Variants in CLSTN2 observed in about 807,000 individuals in gnomAD.
CLSTN2 encodes calsyntenin-2.
A neutral mutation model predicts 101.2 loss-of-function variants in CLSTN2; 48 were observed. The ratio of observed to expected loss-of-function variants is 0.47; its 90% CI spans 0.38 to 0.60. The LOEUF is 0.60. Ranked by LOEUF, CLSTN2 falls within the 20% of genes least tolerant of loss-of-function variation. CLSTN2 has a pLI of 0.00. For synonymous variants in CLSTN2, 481 were observed against 463.6 expected (o/e 1.04, Z -0.48); for missense variants, 1,160 against 1,238.2 (o/e 0.94, Z 0.95).
At chr3:140,261,418 A>G (rs1331998512) in intron 2 of CLSTN2, among the ~76,000 whole-genome samples, 1 of 151,950 alleles carries the variant, frequency 6.6e-6, no homozygotes, top group East Asian at 1.9e-4. Context: ...TATCCCCATC[A>G]CTGTCTTTTG....
chr3:140,016,790 T>G lies in CLSTN2; in HGVS notation c.109+81307T>G, dbSNP rs1290243034. 5.2e-4 allele frequency among the ~76,000 whole-genome samples: 36 copies of G among 69,170 alleles called. No homozygotes were observed. In the Admixed American group the frequency reaches 6.9e-3, roughly 13 times the overall value. 45.4% of individuals were successfully genotyped at this position (69,170 alleles called of 152,430 possible). A position where few individuals can be genotyped will look rare whatever the true frequency, so the allele number is the denominator to read the frequency against. On this transcript the variant is annotated intron_variant, in intron 1 of 16. Coordinates refer to ENST00000458420, the MANE Select transcript of CLSTN2 (RefSeq NM_022131.3). The stretch of plus-strand genomic sequence containing the variant: ...CTCCAGCCTGGTGACAGAGTGAGAC[T>G]CTGAAAAAAAAAAAAAAAAAAAAAG...
intron 2 of CLSTN2, among the ~76,000 whole-genome samples, chr3:140,269,010 G>T (rs145943862): frequency 1.7e-3 from 266 of 152,254 alleles, no homozygotes; most frequent in African/African-American, 6.3e-3. Flanking sequence ...GATCAGGGAC[G>T]TCTTGAATAA....
intron 4 of CLSTN2, among the ~76,000 whole-genome samples, chr3:140,413,526 G>C (rs1177673216): frequency 6.6e-6 from 1 of 151,992 alleles, no homozygotes; most frequent in African/African-American, 2.4e-5. Context: ...TGAAGAGGAG[G>C]GAACACTTTC....
At position 140,090,208 on chromosome 3, in the gene CLSTN2, G is replaced by A. The variant is rs138416559; in HGVS notation, c.110-85743G>A. ...AGGGGGGTTATCTTGGGGGAAGCAT[G>A]TCTCTGCTTGGGGAGGAATTTGGAA... On this transcript the variant is annotated intron_variant, in intron 1 of 16. Coordinates refer to ENST00000458420, the MANE Select transcript of CLSTN2 (RefSeq NM_022131.3). Among the ~76,000 whole-genome samples, 47 of 151,520 alleles carry A rather than the reference G, an allele frequency of 3.1e-4. No individual in the cohort carries two copies. In the East Asian group the frequency reaches 9.0e-3, roughly 29 times the overall value.
intron 1 of CLSTN2, among the ~76,000 whole-genome samples, chr3:140,007,927 A>G (rs2006990367): frequency 6.6e-6 from 1 of 152,148 alleles, no homozygotes; most frequent in African/African-American, 2.4e-5. Flanking sequence ...TGAACTATCC[A>G]TGATTTTCAC....
intron 1 of CLSTN2, among the ~76,000 whole-genome samples, chr3:140,171,902 TATA>T (rs2010243416): frequency 7.6e-6 from 1 of 130,852 alleles, no homozygotes; most frequent in East Asian, 2.1e-4. Context: ...ATATATATTA[TATA>T]TTATGTGTGT....
intron 1 of CLSTN2, among the ~76,000 whole-genome samples, chr3:140,035,596 G>GGA (rs79758291): frequency 0.07 from 10,716 of 152,190 alleles, 432 homozygotes; most frequent in East Asian, 0.16. Context: ...ATTCCATGTA[G>GGA]GATAATAATA....
chr3:140,351,880 G>A, intron 2 of CLSTN2, among the ~76,000 whole-genome samples: 1 of 151,910 alleles, frequency 6.6e-6, no homozygotes, highest in Non-Finnish European at 1.5e-5. Context: ...TATTTGAGGA[G>A]ATATAAACAA....
chr3:140,196,577 T>C (rs1235871537), intron 2 of CLSTN2, among the ~76,000 whole-genome samples: 1 of 152,218 alleles, frequency 6.6e-6, no homozygotes, highest in Non-Finnish European at 1.5e-5. Flanking sequence ...AGGGTGGATA[T>C]GAGATAATCA....
At chr3:140,190,833 C>T (rs979070570) in intron 2 of CLSTN2, among the ~76,000 whole-genome samples, 13 of 151,996 alleles carry the variant, frequency 8.6e-5, no homozygotes, top group Non-Finnish European at 1.6e-4. Flanking sequence ...TTTCTTGGGA[C>T]TTTCCATATG....
At chr3:140,276,658 A>G (rs954495759) in intron 2 of CLSTN2, among the ~76,000 whole-genome samples, 4 of 152,172 alleles carry the variant, frequency 2.6e-5, no homozygotes, top group Non-Finnish European at 5.9e-5. Flanking sequence ...CCTGTGAGGT[A>G]TAATTAGGGT....
At chr3:140,395,473 C>T (rs2088171113) in intron 2 of CLSTN2, among the ~76,000 whole-genome samples, 1 of 152,284 alleles carries the variant, frequency 6.6e-6, no homozygotes, top group African/African-American at 2.4e-5. Context: ...AACTTGAGAA[C>T]CACCCAAGGT....
chr3:140,482,204 A>G (rs1190845537), intron 8 of CLSTN2, among the ~76,000 whole-genome samples: 1 of 152,210 alleles, frequency 6.6e-6, no homozygotes, highest in East Asian at 1.9e-4. Context: ...CTATTGAGAT[A>G]ATCATGTGGT....
At chr3:140,438,993 C>G (rs921608517) in intron 5 of CLSTN2, among the ~76,000 whole-genome samples, 2 of 152,132 alleles carry the variant, frequency 1.3e-5, no homozygotes, top group African/African-American at 4.8e-5. Flanking sequence ...GACCCACGGC[C>G]CCCCAGACAG....
chr3:140,075,477 C>A (rs2008470839), intron 1 of CLSTN2, among the ~76,000 whole-genome samples: 1 of 152,084 alleles, frequency 6.6e-6, no homozygotes. Context: ...TCTGTTTTAT[C>A]TTTTGATTAT....
intron 2 of CLSTN2, among the ~76,000 whole-genome samples, chr3:140,396,754 A>G (rs2088186774): frequency 6.6e-6 from 1 of 152,178 alleles, no homozygotes; most frequent in Non-Finnish European, 1.5e-5. Context: ...CTCTTACTAC[A>G]AAGGCCTAGC....
chr3:140,252,093 C>T (rs1024442338), intron 2 of CLSTN2, among the ~76,000 whole-genome samples: 1 of 152,060 alleles, frequency 6.6e-6, no homozygotes, highest in Non-Finnish European at 1.5e-5. Context: ...GAGGCATGAA[C>T]TTTATTTATA....
At chr3:140,078,522 T>G (rs946149012) in intron 1 of CLSTN2, among the ~76,000 whole-genome samples, 7 of 152,216 alleles carry the variant, frequency 4.6e-5, no homozygotes, top group Non-Finnish European at 2.9e-5. Context: ...AATGAGTGTA[T>G]GTCTCCAACA....
At chr3:140,277,119 G>T (rs751436790) in intron 2 of CLSTN2, among the ~76,000 whole-genome samples, 4 of 152,222 alleles carry the variant, frequency 2.6e-5, no homozygotes, top group Admixed American at 6.5e-5. Flanking sequence ...AGTCATAGAT[G>T]CCTGGACAAC....
Sources: gnomAD v4.1 joint callset for allele counts (sites outside exome capture counted in the v4.1 genomes callset) on GRCh38, gnomAD v4.1.1 for gene constraint, MANE v1.5 for transcripts, NCBI Gene and HGNC (gene_info 2026-07-23, HGNC 2026-07-21) for gene names.